Variants in SMAP2 observed in about 807,000 individuals in gnomAD.
SMAP2 encodes the protein stromal membrane-associated protein 2.
In SMAP2, 25 loss-of-function variants were observed where a neutral mutation model predicts 56.4. The observed-to-expected ratio is 0.44, with a 90% CI of 0.32 to 0.62. The LOEUF (loss-of-function observed/expected upper bound fraction) is 0.62, where lower values mean the gene tolerates loss of function less well. SMAP2 is among the 20% of genes least tolerant of loss of function. The pLI is 0.04. For synonymous variants in SMAP2, 157 were observed against 181.7 expected, an observed-to-expected ratio of 0.86 and a Z score of 1.09; for missense variants, 388 against 545.6, an observed-to-expected ratio of 0.71 and a Z score of 2.88.
At position 40,386,793 on chromosome 1, in the gene SMAP2, C is replaced by T. The variant is rs541777566; in HGVS notation, c.103+12570C>T. On this transcript the variant is annotated intron_variant, in intron 1 of 9. Transcript: ENST00000372718. This position sits in a 1 kb window ranked among gnomAD's most constrained non-coding sequence, Gnocchi z 4.1. ...CTTTTATGATTCTGAAACCTATCCA[C>T]GATAAAAATCATTGGAAAGTATGAA... 5.3e-5 allele frequency among the ~76,000 whole-genome samples: 8 copies of T among 150,182 alleles called. No homozygotes were observed. Among genetic ancestry groups the T allele is most frequent in the Non-Finnish European group, 7.4e-5 (5 of 67,798 alleles).
chr1:40,354,059 A>G (rs1569816270), intron 1 of SMAP2, among the ~76,000 whole-genome samples: 1 of 152,188 alleles, frequency 6.6e-6, no homozygotes, highest in African/African-American at 2.4e-5. Flanking sequence ...GAATCAATGT[A>G]AACCACTCCC....
rs776995414 is a variant in SMAP2, at chr1:40,416,868, C to G, written c.936C>G (p.Ser312Arg). The G allele has an allele frequency of 1.9e-6, 3 of 1,614,210 alleles. No individual in the cohort carries two copies. Among genetic ancestry groups the G allele is most frequent in the Non-Finnish European group, 8.5e-7 (1 of 1,180,032 alleles). Residue 312 changes from serine to arginine, a missense_variant, in exon 9 of 10, where the codon AGC becomes AGG. Ser to Arg is a moderately radical substitution (Grantham distance 110, BLOSUM62 -1). Coordinates refer to ENST00000372718, the MANE Select transcript of SMAP2 (RefSeq NM_022733.3). ...GVTPPNSIMG[S>R]MMPPPVGMVA... is the part of the protein sequence containing the mutation. ...CACCTCCTAACAGCATAATGGGGAG[C>G]ATGATGCCTCCACCAGTAGGCATGG...
chr1:40,352,502 T>A (rs751380977), intron 1 of SMAP2, among the ~76,000 whole-genome samples: 2 of 152,162 alleles, frequency 1.3e-5, no homozygotes, highest in Non-Finnish European at 2.9e-5. Context: ...TTGTTTCCCT[T>A]GCTCATTTTA....
chr1:40,389,383 T>G (rs189650273), intron 1 of SMAP2, among the ~76,000 whole-genome samples: 1 of 152,274 alleles, frequency 6.6e-6, no homozygotes, highest in East Asian at 1.9e-4. Context: ...TCTGCATACT[T>G]AATGCACGGT....
chr1:40,351,954 T>G (rs1288098747), intron 1 of SMAP2, among the ~76,000 whole-genome samples: 1 of 152,056 alleles, frequency 6.6e-6, no homozygotes, highest in Non-Finnish European at 1.5e-5. Context: ...TTAAGCTTCT[T>G]TGGGTTATGC....
chr1:40,387,175 C>T (rs1644665833), intron 1 of SMAP2, among the ~76,000 whole-genome samples: 1 of 152,108 alleles, frequency 6.6e-6, no homozygotes, highest in African/African-American at 2.4e-5. Context: ...ATTCTTATCA[C>T]CCATTTACTT....
At position 40,401,150 on chromosome 1, in the gene SMAP2, C is replaced by A. The variant is rs146852074; in HGVS notation, c.104-5586C>A. On this transcript the variant is annotated intron_variant, in intron 1 of 9. Transcript: ENST00000372718. ...TGATCGCGGGCGCCTGTAGTCTCAG[C>A]TACTCGGGAGGCTGAGGCAGGAGAA... 9.0e-3 allele frequency among the ~76,000 whole-genome samples: 1,373 copies of A among 152,262 alleles called. 18 individuals are homozygous for A. The highest frequency in any genetic ancestry group is 0.031 in the African/African-American group (1,307 of 41,540).
chr1:40,410,870 C>T (rs1397643759), intron 4 of SMAP2, among the ~76,000 whole-genome samples: 1 of 152,164 alleles, frequency 6.6e-6, no homozygotes, highest in Non-Finnish European at 1.5e-5. Flanking sequence ...AGAAAATTCT[C>T]TTAGGAATAA....
intron 1 of SMAP2, among the ~76,000 whole-genome samples, chr1:40,355,851 C>T (rs1397173874): frequency 6.9e-6 from 1 of 145,356 alleles, no homozygotes; most frequent in Admixed American, 6.7e-5. Context: ...CTCAAACGAC[C>T]CACCTGCCTC....
At chr1:40,380,956 G>A (rs1644592094) in intron 1 of SMAP2, among the ~76,000 whole-genome samples, 1 of 152,150 alleles carries the variant, frequency 6.6e-6, no homozygotes, top group Admixed American at 6.5e-5. Context: ...TTTATAGCTA[G>A]TGCACTATAA....
intron 1 of SMAP2, among the ~76,000 whole-genome samples, chr1:40,361,354 C>T (rs1436554978): frequency 2.0e-5 from 3 of 152,146 alleles, no homozygotes; most frequent in Non-Finnish European, 4.4e-5. Flanking sequence ...CCAGGCAGGA[C>T]TCACCATGGG....
chr1:40,422,369 G>A lies in SMAP2; in HGVS notation c.*268G>A. 1 of 414,280 alleles carries A rather than the reference G, an allele frequency of 2.4e-6. No individual in the cohort carries two copies. The highest frequency in any genetic ancestry group is 4.5e-6 in the Non-Finnish European group (1 of 219,848). 25.7% of individuals were successfully genotyped at this position (414,280 alleles called of 1,614,324 possible). A position where few individuals can be genotyped will look rare whatever the true frequency, so the allele number is the denominator to read the frequency against. On this transcript the variant is annotated 3_prime_UTR_variant, in exon 10 of 10. Coordinates refer to ENST00000372718, the MANE Select transcript of SMAP2 (RefSeq NM_022733.3). Reference sequence around the variant, plus strand: ...GCACCTTAGAAGTTGTTGGCAGAAGGCACTTAAACTGTGGGAGAAGTGTGC... The same window carrying A: ...GCACCTTAGAAGTTGTTGGCAGAAGACACTTAAACTGTGGGAGAAGTGTGC...
chr1:40,413,960 T>G (rs1569917562), intron 5 of SMAP2, 199 bp from the exon 6 acceptor site: 1 of 548,344 alleles, frequency 1.8e-6, no homozygotes, highest in East Asian at 3.1e-5. Context: ...ATCTTTGTTT[T>G]TCATTTTAGG....
rs1233897702 is a variant in SMAP2, at chr1:40,416,316, C to T, written c.822C>T (p.Ser274=). 1.2e-6 allele frequency: 2 copies of T among 1,613,776 alleles called. No homozygotes were observed. The highest frequency in any genetic ancestry group is 2.7e-5 in the African/African-American group (2 of 74,860). The change falls in exon 8 of 10, where the codon TCC becomes TCT. Residue 274 remains serine (S), a synonymous_variant. Coordinates refer to ENST00000372718, the MANE Select transcript of SMAP2 (RefSeq NM_022733.3). ...ACTCCATTCTTTCACTGTATGGATC[C>T]CAGACGCCTCAAATGCCTACTCAAG... The part of the protein sequence containing the change: ...SKDSILSLYG[S]QTPQMPTQAM...
intron 4 of SMAP2, 102 bp downstream of exon 4, chr1:40,409,937 C>A: frequency 1.3e-6 from 1 of 797,324 alleles, no homozygotes; most frequent in Non-Finnish European, 2.1e-6. Context: ...ACTCCAAAAC[C>A]ATCTTTTAAA....
chr1:40,381,838 G>A (rs1557830745), intron 1 of SMAP2, among the ~76,000 whole-genome samples: 1 of 152,154 alleles, frequency 6.6e-6, no homozygotes, highest in Non-Finnish European at 1.5e-5. Context: ...GCATGGTGCC[G>A]ATTAAATTCT....
intron 1 of SMAP2, among the ~76,000 whole-genome samples, chr1:40,402,481 T>A (rs1379869736): frequency 6.6e-6 from 1 of 152,142 alleles, no homozygotes; most frequent in Non-Finnish European, 1.5e-5. Context: ...AGACAAGGTC[T>A]CGCTGTCATC....
chr1:40,374,093 G>A lies in SMAP2; in HGVS notation c.-28G>A. ...TCTCTGGGGGCGAGGAGGGCGCGTC[G>A]CCCTCTGCCCCCGCCGGCACCCTGG... is the stretch of plus-strand genomic sequence containing the variant. On this transcript the variant is annotated 5_prime_UTR_variant, in exon 1 of 10. Transcript: ENST00000372718. The surrounding 1 kb of genome is among the most constrained non-coding windows in gnomAD (Gnocchi z 5.9). 1.3e-6 allele frequency: 2 copies of A among 1,575,470 alleles called. No individual in the cohort carries two copies. Among genetic ancestry groups the A allele is most frequent in the Admixed American group, 1.8e-5 (1 of 57,110 alleles).
chr1:40,409,081 G>A (rs1178880638), intron 3 of SMAP2, among the ~76,000 whole-genome samples: 1 of 152,112 alleles, frequency 6.6e-6, no homozygotes, highest in East Asian at 1.9e-4. Context: ...GTTAACCCTG[G>A]CAGTCAGCAA....
Sources: gnomAD v4.1 joint callset for allele counts (sites outside exome capture counted in the v4.1 genomes callset) on GRCh38, gnomAD v4.1.1 for gene constraint, Gnocchi (gnomAD v3.1) non-coding constraint, MANE v1.5 for transcripts, NCBI Gene and HGNC (gene_info 2026-07-23, HGNC 2026-07-21) for gene names.